The following CFAP47 variants were observed in gnomAD, a reference collection of about 807,000 sequenced individuals.
The protein encoded by CFAP47 is cilia and flagella associated protein 47.
Under a neutral mutation model 148.1 loss-of-function variants are expected in CFAP47, and 29 were observed. That is an observed-to-expected ratio of 0.20 (90% CI 0.15 to 0.27). CFAP47 has a LOEUF of 0.27. Among genes scored for constraint, CFAP47 ranks in the 10% least tolerant of loss-of-function variants. The pLI is 1.00. For synonymous variants in CFAP47, 664 were observed against 577.3 expected (o/e 1.15, Z -2.15); for missense variants, 1,872 against 1,697.5 (o/e 1.10, Z -1.81).
At chrX:36,112,491 T>G (rs996320664) in intron 33 of CFAP47, among the ~76,000 whole-genome samples, 44 of 111,808 alleles carry the variant, frequency 3.9e-4, no homozygotes, top group African/African-American at 1.2e-3. Context: ...TCAGCTATTT[T>G]GCACTTGCTG....
intron 57 of CFAP47, among the ~76,000 whole-genome samples, chrX:36,335,574 G>T (rs1556014718): frequency 8.9e-6 from 1 of 111,982 alleles, no homozygotes; most frequent in African/African-American, 3.2e-5. Context: ...ATAGATTAAT[G>T]CCCTCTTTTG....
intron 53 of CFAP47, 68 bp downstream of exon 53, chrX:36,301,247 A>G (rs1941296348): frequency 1.8e-6 from 1 of 563,266 alleles, no homozygotes; most frequent in Non-Finnish European, 2.8e-6. Flanking sequence ...CAATGTTGTT[A>G]TAATGCATTC....
chrX:36,175,217 A>G (rs1191943814), intron 39 of CFAP47, among the ~76,000 whole-genome samples: 4 of 110,960 alleles, frequency 3.6e-5, no homozygotes, highest in Non-Finnish European at 7.6e-5. Context: ...TTTTTTTCAA[A>G]GCTTTCAACT....
At chrX:36,071,992 G>A (rs377147642) in intron 28 of CFAP47, 21 bp downstream of exon 28, 204 of 1,142,014 alleles carry the variant, frequency 1.8e-4, no homozygotes, top group Middle Eastern at 1.7e-3. Context: ...AATATATAGT[G>A]TACTTTCCAA....
chrX:36,061,938 G>A (rs911062564), intron 26 of CFAP47, among the ~76,000 whole-genome samples: 7 of 111,599 alleles, frequency 6.3e-5, no homozygotes, highest in East Asian at 5.6e-4. Flanking sequence ...CAGAAATATC[G>A]TTCCTTAATC....
rs1569201058 is a variant in CFAP47 at position 35,924,036 on chromosome X, TA to T, written c.250-1980del. Among the ~76,000 whole-genome samples the T allele has an allele frequency of 1.4e-3, 133 of 97,538 alleles. 3 individuals carry two copies. The highest frequency in any genetic ancestry group is 5.4e-3 in the Middle Eastern group (1 of 185). The allele number at this position is 97,538 out of a possible 115,157, so 84.7% of individuals were successfully genotyped here. Reference sequence around the variant, plus strand: ...ATATATATGCACATATATATGCACATATATGTGTATATGTACATGTATGCGC... The same window carrying T: ...ATATATATGCACATATATATGCACATTATGTGTATATGTACATGTATGCGC... On this transcript the variant is annotated intron_variant, in intron 1 of 63. Coordinates refer to ENST00000378653, the MANE Select transcript of CFAP47 (RefSeq NM_001304548.2).
chrX:35,992,715 A>G (rs1936803510), intron 17 of CFAP47, among the ~76,000 whole-genome samples: 1 of 111,540 alleles, frequency 9.0e-6, no homozygotes, highest in Non-Finnish European at 1.9e-5. Context: ...TAAGTTACTT[A>G]GAAGTTTTCT....
chrX:36,199,513 G>T (rs2146881277), intron 42 of CFAP47, among the ~76,000 whole-genome samples: 1 of 112,062 alleles, frequency 8.9e-6, no homozygotes, highest in South Asian at 3.6e-4. Context: ...GTTCAGGATG[G>T]CTGCAAATGA....
At chrX:36,264,598 C>T (rs1556000740) in intron 49 of CFAP47, among the ~76,000 whole-genome samples, 1 of 111,955 alleles carries the variant, frequency 8.9e-6, no homozygotes, top group African/African-American at 3.3e-5. Flanking sequence ...CCCAGAGATG[C>T]TCTCCGCTCA....
At chrX:36,175,155 C>G (rs1319179363) in intron 39 of CFAP47, among the ~76,000 whole-genome samples, 7 of 110,889 alleles carry the variant, frequency 6.3e-5, no homozygotes, top group African/African-American at 9.9e-5. Context: ...GCTCCATCAG[C>G]TCCTTTAAGC....
rs1217169094 is a variant in CFAP47 at position 36,190,216 on chromosome X, C to T, written c.6321+20C>T. On this transcript the variant is annotated intron_variant, in intron 42 of 63. Coordinates refer to ENST00000378653, the MANE Select transcript of CFAP47 (RefSeq NM_001304548.2). ...AAAAAGGTGAGAACAGAATTGTGATCTGTGTGTTTACACGAGCTGTCACTT... is the reference window on the plus strand; with the variant it reads ...AAAAAGGTGAGAACAGAATTGTGATTTGTGTGTTTACACGAGCTGTCACTT... 12 of 295,570 alleles carry T rather than the reference C, an allele frequency of 4.1e-5. No homozygotes were observed. The East Asian group carries it at 5.7e-4, about 14-fold the overall frequency. The allele number at this position is 295,570 out of a possible 1,213,427, so 24.4% of individuals were successfully genotyped here. A position where few individuals can be genotyped will look rare whatever the true frequency, so the allele number is the denominator to read the frequency against.
At position 35,971,806 on chromosome X, in the gene CFAP47, G is replaced by A. The variant is rs368563573; in HGVS notation, c.2157+34G>A. The A allele has an allele frequency of 1.7e-4, 203 of 1,189,864 alleles. No homozygotes were observed. In the African/African-American group the frequency reaches 3.1e-3, roughly 18 times the overall value. On this transcript the variant is annotated intron_variant, in intron 12 of 63. Coordinates refer to ENST00000378653, the MANE Select transcript of CFAP47 (RefSeq NM_001304548.2). ...AATGTTTTACATTTGGTTATTCCAC[G>A]AGAATTCTTAAAATAGCTTTTGCTA... is the stretch of plus-strand genomic sequence containing the variant.
chrX:36,036,215 C>G (rs1406447208), intron 24 of CFAP47, among the ~76,000 whole-genome samples: 1 of 110,853 alleles, frequency 9.0e-6, no homozygotes, highest in African/African-American at 3.3e-5. Flanking sequence ...CCATTTCCCC[C>G]ACTCCCAAGC....
At chrX:36,201,927 G>T (rs1320009379) in intron 44 of CFAP47, among the ~76,000 whole-genome samples, 1 of 109,304 alleles carries the variant, frequency 9.1e-6, no homozygotes. Flanking sequence ...GTGTCAGATA[G>T]CCAGACTGAG....
chrX:36,060,829 G>A (rs1442479522), intron 26 of CFAP47, among the ~76,000 whole-genome samples: 1 of 111,631 alleles, frequency 9.0e-6, no homozygotes, highest in Non-Finnish European at 1.9e-5. Flanking sequence ...TTATTGCAAT[G>A]CCCAGAAGAG....
chrX:36,046,090 CTTA>C (rs1937462285), intron 25 of CFAP47, among the ~76,000 whole-genome samples: 1 of 110,614 alleles, frequency 9.0e-6, no homozygotes, highest in African/African-American at 3.3e-5. Flanking sequence ...TTTATTTTTT[CTTA>C]TTAGCTAAAT....
At chrX:36,248,176 T>C (rs1940642421) in intron 48 of CFAP47, among the ~76,000 whole-genome samples, 1 of 106,201 alleles carries the variant, frequency 9.4e-6, no homozygotes. Context: ...TTATGTATTA[T>C]ATTTATTATG....
chrX:36,279,160 A>G (rs1237074067), intron 49 of CFAP47, among the ~76,000 whole-genome samples: 1 of 112,244 alleles, frequency 8.9e-6, no homozygotes, highest in Non-Finnish European at 1.9e-5. Flanking sequence ...CTAACCAGGA[A>G]TAATAAGAAC....
chrX:36,173,280 T>C (rs1372340640), intron 39 of CFAP47, among the ~76,000 whole-genome samples: 2 of 111,974 alleles, frequency 1.8e-5, no homozygotes, highest in African/African-American at 6.5e-5. Context: ...TTTGAAGGGT[T>C]TCTTTTGTCT....
Sources: gnomAD v4.1 joint callset for allele counts (sites outside exome capture counted in the v4.1 genomes callset) on GRCh38, gnomAD v4.1.1 for gene constraint, MANE v1.5 for transcripts, NCBI Gene and HGNC (gene_info 2026-07-23, HGNC 2026-07-21) for gene names.